The following HHLA2 variants were observed in gnomAD, a reference collection of about 807,000 sequenced individuals.
HHLA2 encodes HHLA2 member of B7 family, also known as HERV-H LTR-associating protein 2.
HHLA2 carries 48 observed loss-of-function variants against 45.9 expected under a neutral mutation model. The ratio of observed to expected loss-of-function variants is 1.05; its 90% confidence interval spans 0.83 to 1.33. The LOEUF (loss-of-function observed/expected upper bound fraction) is 1.33, where lower values mean the gene tolerates loss of function less well. Ranked by LOEUF, HHLA2 falls within the 40% of genes most tolerant of loss-of-function variation. HHLA2 has a pLI of 0.00. For missense variants in HHLA2, 462 were observed against 494.3 expected (o/e 0.93, Z 0.62); for synonymous variants, 161 against 173.9 (o/e 0.93, Z 0.59).
At position 108,369,583 on chromosome 3, in the gene HHLA2, C is replaced by T. The variant is rs139110349; in HGVS notation, c.1109-6167C>T. On this transcript the variant is annotated intron_variant, in intron 8 of 10. Transcript: ENST00000619531. ...CCTAGTCAAAGAAAGGGGTGACAGACGGCATCTGGAAAATTGGGTCACTCC... is the reference window on the plus strand; with the variant it reads ...CCTAGTCAAAGAAAGGGGTGACAGATGGCATCTGGAAAATTGGGTCACTCC... 4.5e-3 allele frequency among the ~76,000 whole-genome samples: 685 copies of T among 152,276 alleles called. 2 individuals are homozygous for T. The highest frequency in any genetic ancestry group is 9.6e-3 in the African/African-American group (400 of 41,544).
intron 8 of HHLA2, among the ~76,000 whole-genome samples, chr3:108,366,911 C>A (rs4855644): frequency 0.5 from 76,573 of 151,858 alleles, 20,271 homozygotes; most frequent in Middle Eastern, 0.59. Context: ...TTAATCTTTT[C>A]AAAATAGCAG....
chr3:108,360,430 C>A (rs1184834882), intron 7 of HHLA2, among the ~76,000 whole-genome samples: 1 of 152,140 alleles, frequency 6.6e-6, no homozygotes, highest in African/African-American at 2.4e-5. Context: ...AAGTCAAGGG[C>A]TTTAATTGTT....
intron 6 of HHLA2, among the ~76,000 whole-genome samples, chr3:108,355,676 C>A (rs1371647787): frequency 6.6e-6 from 1 of 152,164 alleles, no homozygotes; most frequent in Non-Finnish European, 1.5e-5. Flanking sequence ...CAAATCTATT[C>A]TTGAATATTA....
chr3:108,372,300 C>A (rs2082191711), intron 8 of HHLA2, among the ~76,000 whole-genome samples: 1 of 151,416 alleles, frequency 6.6e-6, no homozygotes, highest in African/African-American at 2.4e-5. Flanking sequence ...CACAACATAC[C>A]AGAATCTCTG....
At chr3:108,337,834 C>T (rs1378199332) in intron 3 of HHLA2, among the ~76,000 whole-genome samples, 2 of 152,058 alleles carry the variant, frequency 1.3e-5, no homozygotes, top group African/African-American at 2.4e-5. Context: ...TCTGGAGTTA[C>T]CAGTGTCCTT....
chr3:108,375,772 C>G, exon 9 of HHLA2: 1 of 1,611,068 alleles, frequency 6.2e-7, no homozygotes, highest in Non-Finnish European at 8.5e-7. Flanking sequence ...CCAGGAGGAG[C>G]AGACACCCTG....
intron 2 of HHLA2, among the ~76,000 whole-genome samples, chr3:108,328,104 G>A (rs1474570613): frequency 6.6e-6 from 1 of 152,086 alleles, no homozygotes; most frequent in African/African-American, 2.4e-5. Flanking sequence ...CTGCACTCCA[G>A]CCTGGGCAAC....
At chr3:108,337,227 T>G (rs1560224426) in intron 3 of HHLA2, among the ~76,000 whole-genome samples, 1 of 152,152 alleles carries the variant, frequency 6.6e-6, no homozygotes, top group African/African-American at 2.4e-5. Context: ...AGGCTTGCAT[T>G]TGATGTTAAT....
chr3:108,348,692 A>G (rs1447767561), intron 3 of HHLA2, among the ~76,000 whole-genome samples: 1 of 151,898 alleles, frequency 6.6e-6, no homozygotes, highest in African/African-American at 2.4e-5. Context: ...TTACATGTGC[A>G]GAACATGCAG....
intron 3 of HHLA2, among the ~76,000 whole-genome samples, chr3:108,347,682 G>A (rs1335623029): frequency 2.0e-5 from 3 of 152,196 alleles, no homozygotes; most frequent in Admixed American, 2.0e-4. Context: ...ATGCGTATTT[G>A]TAGATATCCA....
intron 2 of HHLA2, among the ~76,000 whole-genome samples, chr3:108,314,806 T>G (rs146481660): frequency 6.6e-6 from 1 of 152,288 alleles, no homozygotes; most frequent in Non-Finnish European, 1.5e-5. Context: ...TCATCTCACT[T>G]GTAAATTTTG....
chr3:108,322,851 G>T (rs892491365), intron 2 of HHLA2, among the ~76,000 whole-genome samples: 7 of 152,044 alleles, frequency 4.6e-5, no homozygotes, highest in African/African-American at 1.7e-4. Context: ...TTCCTATGAG[G>T]TTTTCTTATC....
At chr3:108,308,996 G>A (rs1467031277) in intron 1 of HHLA2, among the ~76,000 whole-genome samples, 10 of 151,988 alleles carry the variant, frequency 6.6e-5, no homozygotes, top group East Asian at 3.9e-4. Context: ...TTTGCTATGC[G>A]GAAGCTTTTT....
At chr3:108,314,562 A>G (rs533873904) in intron 2 of HHLA2, among the ~76,000 whole-genome samples, 40 of 152,212 alleles carry the variant, frequency 2.6e-4, no homozygotes, top group South Asian at 1.5e-3. Context: ...TGGCCACACC[A>G]TGGCTCCTCT....
At chr3:108,346,882 C>T (rs989916226) in intron 3 of HHLA2, among the ~76,000 whole-genome samples, 6 of 152,098 alleles carry the variant, frequency 3.9e-5, no homozygotes, top group East Asian at 1.9e-4. Context: ...GTTCTGTTTT[C>T]GCTATTTTAT....
At chr3:108,305,450 T>TG (rs2080914291) in intron 1 of HHLA2, among the ~76,000 whole-genome samples, 1 of 152,116 alleles carries the variant, frequency 6.6e-6, no homozygotes, top group African/African-American at 2.4e-5. Context: ...GGAAAGAAGA[T>TG]GGGGGGATTC....
At chr3:108,355,286 G>A in exon 6 of HHLA2, 3 of 1,613,762 alleles carry the variant, frequency 1.9e-6, no homozygotes, top group Non-Finnish European at 2.5e-6. Flanking sequence ...TCTATTAACA[G>A]CCCACTGAAT....
At chr3:108,369,587 A>T (rs1021134860) in intron 8 of HHLA2, among the ~76,000 whole-genome samples, 3 of 152,216 alleles carry the variant, frequency 2.0e-5, no homozygotes, top group Admixed American at 6.5e-5. Flanking sequence ...GACAGACGGC[A>T]TCTGGAAAAT....
chr3:108,369,828 G>A (rs2082136298), intron 8 of HHLA2, among the ~76,000 whole-genome samples: 1 of 152,214 alleles, frequency 6.6e-6, no homozygotes. Context: ...CTCGAACTGG[G>A]TGGAGCCCAT....
Sources: allele counts gnomAD v4.1 joint callset (sites outside exome capture counted in the v4.1 genomes callset), GRCh38; gene constraint gnomAD v4.1.1; transcripts MANE v1.5; gene names NCBI Gene and HGNC (gene_info 2026-07-23, HGNC 2026-07-21).